The following MAN2A1 variants were observed in gnomAD, a reference collection of about 807,000 sequenced individuals.
MAN2A1 encodes mannosidase alpha class 2A member 1.
In MAN2A1, 76 loss-of-function variants were observed where a neutral mutation model predicts 142.6. The ratio of observed to expected loss-of-function variants is 0.53; its 90% CI spans 0.44 to 0.65. MAN2A1 has a LOEUF of 0.65. Ranked by LOEUF, MAN2A1 falls within the 30% of genes least tolerant of loss-of-function variation. The pLI is 0.00. For missense variants in MAN2A1, 1,311 were observed against 1,365.1 expected, an observed-to-expected ratio of 0.96 and a Z score of 0.62; for synonymous variants, 559 against 473.2, an observed-to-expected ratio of 1.18 and a Z score of -2.35.
At chr5:109,795,512 A>G (rs540501649) in intron 12 of MAN2A1, among the ~76,000 whole-genome samples, 5 of 152,322 alleles carry the variant, frequency 3.3e-5, no homozygotes, top group South Asian at 4.1e-4. Flanking sequence ...AGTTGTAGGA[A>G]TACCAAAACC....
intron 5 of MAN2A1, among the ~76,000 whole-genome samples, chr5:109,757,975 G>A (rs897934602): frequency 6.6e-6 from 1 of 151,954 alleles, no homozygotes; most frequent in South Asian, 2.1e-4. Context: ...TTTTGCTTTT[G>A]GCTGCTGTGA....
chr5:109,840,445 A>T (rs569927275), intron 16 of MAN2A1: 1 of 460,950 alleles, frequency 2.2e-6, no homozygotes, highest in South Asian at 1.7e-5. Flanking sequence ...GCATCAGCCC[A>T]TCTTTGCTGC....
At chr5:109,844,256 T>C (rs985990879) in intron 17 of MAN2A1, among the ~76,000 whole-genome samples, 1 of 152,356 alleles carries the variant, frequency 6.6e-6, no homozygotes, top group Non-Finnish European at 1.5e-5. Flanking sequence ...AAAGAAAATA[T>C]TACTTTTAAG....
intron 5 of MAN2A1, among the ~76,000 whole-genome samples, chr5:109,756,573 A>G (rs933485936): frequency 6.6e-6 from 1 of 152,134 alleles, no homozygotes; most frequent in African/African-American, 2.4e-5. Context: ...TAAACCCTTC[A>G]CCCAGATTTA....
intron 12 of MAN2A1, among the ~76,000 whole-genome samples, chr5:109,808,664 T>G (rs924757127): frequency 1.3e-5 from 2 of 151,864 alleles, no homozygotes; most frequent in African/African-American, 4.8e-5. Context: ...GTTTAAATAT[T>G]TTTTGTTTAC....
At chr5:109,816,186 G>A (rs1271253946) in intron 12 of MAN2A1, among the ~76,000 whole-genome samples, 1 of 152,074 alleles carries the variant, frequency 6.6e-6, no homozygotes, top group Admixed American at 6.6e-5. Flanking sequence ...ATCAGAACTG[G>A]GAGAGGATTT....
Position 109,722,041 on chromosome 5 carries a change from G to C in MAN2A1, c.535+5777G>C, listed in dbSNP as rs543139372. 1.2e-3 allele frequency among the ~76,000 whole-genome samples: 181 copies of C among 152,298 alleles called. 1 individual carries two copies. The highest frequency in any genetic ancestry group is 4.3e-3 in the African/African-American group (179 of 41,550). On this transcript the variant is annotated intron_variant, in intron 3 of 21. Transcript: ENST00000261483. ...AAGTGATCTGTTCATGGCAGGGCTA[G>C]GTTTGAAATCAAGTGATCTTTTTCC...
intron 20 of MAN2A1, among the ~76,000 whole-genome samples, chr5:109,861,499 A>G (rs1351025364): frequency 6.6e-6 from 1 of 152,232 alleles, no homozygotes; most frequent in Non-Finnish European, 1.5e-5. Context: ...AATTCCTCAG[A>G]TATTTAAAAA....
intron 16 of MAN2A1, among the ~76,000 whole-genome samples, chr5:109,831,680 ACAT>A (rs1754910078): frequency 6.6e-6 from 1 of 152,174 alleles, no homozygotes. Context: ...CGGAAACTTC[ACAT>A]CATTATTTTC....
intron 8 of MAN2A1, among the ~76,000 whole-genome samples, chr5:109,775,426 T>A (rs924917601): frequency 6.6e-6 from 1 of 152,196 alleles, no homozygotes; most frequent in African/African-American, 2.4e-5. Context: ...CACTAACATT[T>A]TTTTTTAAGT....
In MAN2A1 at chr5:109,690,263, G is replaced by C; in HGVS notation, c.-155G>C. 1.4e-6 allele frequency: 1 copy of C among 717,580 alleles called. No individual in the cohort carries two copies. Among genetic ancestry groups the C allele is most frequent in the Non-Finnish European group, 2.4e-6 (1 of 417,044 alleles). 44.5% of individuals were successfully genotyped at this position (717,580 alleles called of 1,614,324 possible). On this transcript the variant is annotated 5_prime_UTR_variant, in exon 1 of 22. Coordinates refer to ENST00000261483, the MANE Select transcript of MAN2A1 (RefSeq NM_002372.4). Reference sequence around the variant, plus strand: ...GGCGTGTGGTGGCGCCGGAGACTAGGTGCGGAGCAAGGCGGGGACTCGCAC... The same window carrying C: ...GGCGTGTGGTGGCGCCGGAGACTAGCTGCGGAGCAAGGCGGGGACTCGCAC...
chr5:109,764,695 G>A (rs1752943745), intron 5 of MAN2A1, among the ~76,000 whole-genome samples: 1 of 152,152 alleles, frequency 6.6e-6, no homozygotes, highest in Admixed American at 6.5e-5. Context: ...CGGTTTTGAT[G>A]TGGAAAAGAT....
intron 4 of MAN2A1, among the ~76,000 whole-genome samples, chr5:109,742,961 A>G (rs1042566113): frequency 2.6e-5 from 4 of 152,116 alleles, no homozygotes; most frequent in African/African-American, 4.8e-5. Context: ...ACTGGCATCT[A>G]TTTATGTCAT....
At chr5:109,718,977 TA>T (rs202217456) in intron 3 of MAN2A1, among the ~76,000 whole-genome samples, 87 of 78,490 alleles carry the variant, frequency 1.1e-3, no homozygotes, top group South Asian at 3.2e-3. Context: ...TTTCTATTCT[TA>T]AAAAAAAAAA....
chr5:109,780,510 CTG>C (rs113661582), intron 8 of MAN2A1, among the ~76,000 whole-genome samples: 38,795 of 143,136 alleles, frequency 0.27, 5,334 homozygotes, highest in East Asian at 0.61. Flanking sequence ...CTTGCAATAT[CTG>C]TGTGTGTGTG....
intron 1 of MAN2A1, among the ~76,000 whole-genome samples, chr5:109,694,635 C>T (rs912960007): frequency 6.6e-6 from 1 of 151,180 alleles, no homozygotes; most frequent in East Asian, 2.0e-4. Flanking sequence ...AGGTGTGATT[C>T]ACTGCTCCCA....
At chr5:109,790,241 C>T (rs762957813) in intron 12 of MAN2A1, among the ~76,000 whole-genome samples, 13 of 151,908 alleles carry the variant, frequency 8.6e-5, no homozygotes, top group Non-Finnish European at 1.6e-4. Context: ...AGTACCTCCT[C>T]TTGCCAATTA....
chr5:109,842,559 A>C, intron 17 of MAN2A1, 98 bp downstream of exon 17: 1 of 783,390 alleles, frequency 1.3e-6, no homozygotes, highest in African/African-American at 1.8e-5. Flanking sequence ...TTGAAAAAGT[A>C]TACTTAAAGT....
chr5:109,769,585 C>A (rs781102044), intron 6 of MAN2A1, among the ~76,000 whole-genome samples: 1 of 152,182 alleles, frequency 6.6e-6, no homozygotes, highest in Non-Finnish European at 1.5e-5. Context: ...TGTTGGTAGG[C>A]TTCTCACCTC....
Sources: gnomAD v4.1 joint callset for allele counts (sites outside exome capture counted in the v4.1 genomes callset) on GRCh38, gnomAD v4.1.1 for gene constraint, MANE v1.5 for transcripts, NCBI Gene and HGNC (gene_info 2026-07-23, HGNC 2026-07-21) for gene names.